The following ZNF610 variants were observed in gnomAD, a reference collection of about 807,000 sequenced individuals.
ZNF610 encodes the protein zink finger protein.
ZNF610 carries 14 observed loss-of-function variants against 14.1 expected under a neutral mutation model. That is an observed-to-expected ratio of 0.99 (90% confidence interval 0.65 to 1.55). ZNF610 has a LOEUF of 1.55. Ranked by LOEUF, ZNF610 falls within the 40% of genes most tolerant of loss-of-function variation. The pLI is 0.00. For synonymous variants in ZNF610, 185 were observed against 187.6 expected (o/e 0.99, Z 0.11); for missense variants, 530 against 558.0 (o/e 0.95, Z 0.51).
rs1986044766 is a variant in ZNF610, at chr19:52,366,279, T to G, written c.901T>G (p.Ser301Ala). Residue 301 changes from serine to alanine, a missense_variant, in exon 6 of 6, where the codon TCG becomes GCG. Transcript: ENST00000403906. ...ATGTGGCAAAGCTTTTAGAGAGTGTTCGGGACTTACTACCCATCTTGTAAT... is the reference window on the plus strand; with the variant it reads ...ATGTGGCAAAGCTTTTAGAGAGTGTGCGGGACTTACTACCCATCTTGTAAT... ...NECGKAFRECSGLTTHLVIHT... is the reference protein window; with the variant it reads ...NECGKAFRECAGLTTHLVIHT... 6.2e-7 allele frequency: 1 copy of G among 1,613,266 alleles called. No homozygotes were observed. Among genetic ancestry groups the G allele is most frequent in the Non-Finnish European group, 8.5e-7 (1 of 1,179,396 alleles).
chr19:52,336,611 G>A (rs1984392654), intron 1 of ZNF610, 105 bp downstream of exon 1: 1 of 155,382 alleles, frequency 6.4e-6, no homozygotes, highest in Non-Finnish European at 1.4e-5. Context: ...ATTCCCGCCC[G>A]GGGAGCCTCC....
intron 3 of ZNF610, among the ~76,000 whole-genome samples, chr19:52,353,014 C>T (rs1365970533): frequency 5.3e-5 from 8 of 152,152 alleles, no homozygotes; most frequent in African/African-American, 1.9e-4. Flanking sequence ...TCTCGGCTCA[C>T]TGCAACCTCT....
intron 5 of ZNF610, among the ~76,000 whole-genome samples, chr19:52,356,092 C>T (rs534522743): frequency 2.6e-5 from 4 of 152,210 alleles, no homozygotes; most frequent in South Asian, 2.1e-4. Context: ...AGATCACACT[C>T]GTACCACCCA....
Position 52,347,943 on chromosome 19 carries a change from T to C in ZNF610, c.-21T>C, listed in dbSNP as rs1157389200. On this transcript the variant is annotated splice_region_variant and 5_prime_UTR_variant, in exon 2 of 6. An upstream start codon of the reference 5' UTR is lost. Transcript: ENST00000403906. ...TTTCTAGTCCTGCAAGCGCCATTCA[T>C]GGTGAGTGCCCTAGACAGCTGTACC... is the stretch of plus-strand genomic sequence containing the variant. 6.6e-6 allele frequency: 1 copy of C among 152,224 alleles called. No homozygotes were observed. The highest frequency in any genetic ancestry group is 1.5e-5 in the Non-Finnish European group (1 of 68,026). The allele number at this position is 152,224 out of a possible 1,614,324, so 9.4% of individuals were successfully genotyped here. A position where few individuals can be genotyped will look rare whatever the true frequency, so the allele number is the denominator to read the frequency against.
chr19:52,357,722 T>A (rs1985598913), intron 5 of ZNF610, among the ~76,000 whole-genome samples: 1 of 149,698 alleles, frequency 6.7e-6, no homozygotes, highest in Admixed American at 6.7e-5. Context: ...TCCCAGCTAC[T>A]CAAGAGGACT....
Position 52,366,588 on chromosome 19 carries a change from G to T in ZNF610, c.1210G>T (p.Glu404Ter), listed in dbSNP as rs1388504784. The change falls in exon 6 of 6, where the codon GAA (glutamate) becomes TAA (stop). Residue 404 changes from glutamate (E) to a stop codon, truncating the protein, a stop_gained. Transcript: ENST00000403906. LOFTEE classifies it low-confidence loss of function (END_TRUNC). ...TGGAGAGAAACCTTACAAATGTAAT[G>T]AATGTGACAAAGTCTTTGGGCGCAA... The part of the protein sequence containing the change: ...HTGEKPYKCN[E>*]CDKVFGRKLY... The T allele has an allele frequency of 1.2e-6, 2 of 1,614,090 alleles. No individual in the cohort carries two copies. The highest frequency in any genetic ancestry group is 3.3e-5 in the Admixed American group (2 of 60,006).
chr19:52,353,608 A>G (rs1351284662), intron 3 of ZNF610, 74 bp from the exon 4 acceptor site: 1 of 1,549,590 alleles, frequency 6.5e-7, no homozygotes, highest in African/African-American at 1.4e-5. Context: ...CTTAATATTC[A>G]AAAATGTTTA....
intron 5 of ZNF610, among the ~76,000 whole-genome samples, chr19:52,354,702 C>G (rs1430778003): frequency 2.0e-5 from 3 of 151,730 alleles, no homozygotes; most frequent in Non-Finnish European, 4.4e-5. Flanking sequence ...CCTCAGCCTC[C>G]CCAGTAGCTG....
chr19:52,334,619 G>A (rs1480518623), upstream of ZNF610, among the ~76,000 whole-genome samples: 1 of 152,142 alleles, frequency 6.6e-6, no homozygotes, highest in African/African-American at 2.4e-5. Flanking sequence ...TTTGACAGTA[G>A]TAGAGACAGA....
chr19:52,337,334 A>G (rs1984434473), intron 1 of ZNF610, among the ~76,000 whole-genome samples: 1 of 152,078 alleles, frequency 6.6e-6, no homozygotes, highest in Non-Finnish European at 1.5e-5. Context: ...TGGGGACAAG[A>G]GAGTGTAGCA....
intron 1 of ZNF610, among the ~76,000 whole-genome samples, chr19:52,340,881 A>G (rs992587824): frequency 3.3e-5 from 5 of 151,880 alleles, no homozygotes; most frequent in Non-Finnish European, 5.9e-5. Flanking sequence ...GGGTTTCACC[A>G]TGTTGGCCAG....
At position 52,366,920 on chromosome 19, in the gene ZNF610, C is replaced by T. The variant is rs924599022; in HGVS notation, c.*153C>T. The T allele has an allele frequency of 1.6e-6, 1 of 608,408 alleles. No homozygotes were observed. The highest frequency in any genetic ancestry group is 1.8e-5 in the African/African-American group (1 of 54,086). 37.7% of individuals were successfully genotyped at this position (608,408 alleles called of 1,614,324 possible). On this transcript the variant is annotated 3_prime_UTR_variant, in exon 6 of 6. Coordinates refer to ENST00000403906, the MANE Select transcript of ZNF610 (RefSeq NM_001161425.2). ...TGATCCACACTGAAAGGAAACCCTA[C>T]AAATGTAAAGTTAATAACATATATA...
intron 5 of ZNF610, among the ~76,000 whole-genome samples, chr19:52,357,790 C>T (rs935864996): frequency 1.3e-4 from 20 of 152,102 alleles, no homozygotes; most frequent in African/African-American, 4.8e-4. Context: ...TGCACTGCAG[C>T]CTGGCTGACA....
intron 5 of ZNF610, among the ~76,000 whole-genome samples, chr19:52,364,741 C>A (rs541314446): frequency 5.9e-5 from 9 of 152,214 alleles, no homozygotes; most frequent in Non-Finnish European, 1.0e-4. Flanking sequence ...GCACAGCCAG[C>A]TAATTTTTGT....
chr19:52,364,667 T>C (rs1019992862), intron 5 of ZNF610, among the ~76,000 whole-genome samples: 2 of 152,136 alleles, frequency 1.3e-5, no homozygotes, highest in African/African-American at 4.8e-5. Flanking sequence ...CCTTCCCCCA[T>C]GTGAGGTTCA....
intron 3 of ZNF610, among the ~76,000 whole-genome samples, chr19:52,352,926 C>T (rs949800178): frequency 4.6e-5 from 7 of 151,616 alleles, no homozygotes; most frequent in African/African-American, 1.7e-4. Context: ...GAGATATTTT[C>T]TTTGACCTTT....
chr19:52,355,829 C>T (rs760101411), intron 5 of ZNF610, among the ~76,000 whole-genome samples: 2 of 152,220 alleles, frequency 1.3e-5, no homozygotes. Flanking sequence ...ATTCACAGGG[C>T]GAGGCACGTG....
chr19:52,358,937 A>G (rs149637663), intron 5 of ZNF610, among the ~76,000 whole-genome samples: 1 of 152,346 alleles, frequency 6.6e-6, no homozygotes, highest in African/African-American at 2.4e-5. Flanking sequence ...TGGCAGCCTT[A>G]TTGAACATCA....
chr19:52,349,716 C>A (rs1985156084), intron 3 of ZNF610, among the ~76,000 whole-genome samples: 1 of 152,042 alleles, frequency 6.6e-6, no homozygotes, highest in Admixed American at 6.6e-5. Context: ...ATTACAGGTG[C>A]CTGCCACCAC....
Sources: allele counts gnomAD v4.1 joint callset (sites outside exome capture counted in the v4.1 genomes callset), GRCh38; gene constraint gnomAD v4.1.1; transcripts MANE v1.5; gene names NCBI Gene and HGNC (gene_info 2026-07-23, HGNC 2026-07-21).